Variants in MCM9 observed in about 807,000 individuals in gnomAD.
MCM9 encodes minichromosome maintenance 9 homologous recombination repair factor, also known as DNA helicase MCM9.
A neutral mutation model predicts 72.8 loss-of-function variants in MCM9; 55 were observed. The observed-to-expected ratio is 0.76, with a 90% CI of 0.61 to 0.95. MCM9 has a LOEUF of 0.95. Ranked by LOEUF, MCM9 falls within the 40% of genes least tolerant of loss-of-function variation. The pLI, the probability that MCM9 is intolerant of heterozygous loss-of-function variation, is 0.00. For synonymous variants in MCM9, 480 were observed against 503.4 expected (o/e 0.95, Z 0.62); for missense variants, 1,279 against 1,377.0 (o/e 0.93, Z 1.13).
At chr6:118,856,620 T>C in intron 8 of MCM9, 75 bp from the exon 9 acceptor site, 6 of 1,453,912 alleles carry the variant, frequency 4.1e-6, no homozygotes, top group Non-Finnish European at 5.5e-6. Flanking sequence ...GGCTCACACC[T>C]GTAATTCCAG....
At chr6:118,820,232 C>A (rs1045821896) in intron 13 of MCM9, among the ~76,000 whole-genome samples, 1 of 152,110 alleles carries the variant, frequency 6.6e-6, no homozygotes. Flanking sequence ...AATTTTAGTT[C>A]TTTCCCTCTT....
intron 13 of MCM9, among the ~76,000 whole-genome samples, chr6:118,818,837 C>T (rs1464044848): frequency 6.6e-6 from 1 of 152,126 alleles, no homozygotes; most frequent in Non-Finnish European, 1.5e-5. Context: ...TTGAAGAGGT[C>T]TTTCACATCC....
At chr6:118,841,675 C>CA (rs1469789898) in intron 9 of MCM9, among the ~76,000 whole-genome samples, 1 of 152,126 alleles carries the variant, frequency 6.6e-6, no homozygotes, top group Non-Finnish European at 1.5e-5. Context: ...TCACAGTATA[C>CA]AATAAACGTT....
Position 118,827,957 on chromosome 6 carries a change from G to T in MCM9, c.1702C>A (p.Leu568Met). ...GCTAATCGTATCAAGCTTTCCAACA[G>T]CCGAATGGTGGTCCGGGCAGCGTTC... is the stretch of plus-strand genomic sequence containing the variant. ...CRNAARTTIRLLESLIRLAEA... is the reference protein window; with the variant it reads ...CRNAARTTIRMLESLIRLAEA... Residue 568 changes from leucine (L) to methionine (M), a missense_variant, in exon 11 of 14, where the codon CTG becomes ATG. Leu to Met is a conservative substitution (Grantham distance 15). Transcript: ENST00000619706. 1 of 1,551,012 alleles carries T rather than the reference G, an allele frequency of 6.4e-7. No individual in the cohort carries two copies. Among genetic ancestry groups the T allele is most frequent in the Non-Finnish European group, 8.7e-7 (1 of 1,147,084 alleles).
chr6:118,824,766 C>A (rs1489116769), intron 13 of MCM9, among the ~76,000 whole-genome samples: 1 of 152,148 alleles, frequency 6.6e-6, no homozygotes, highest in African/African-American at 2.4e-5. Flanking sequence ...AACTCATATG[C>A]TGGTTGGGTT....
At position 118,873,228 on chromosome 6, in the gene MCM9, GGGGAAA is replaced by G. The variant is rs1777729074; in HGVS notation, c.1151-16689_1151-16684del. Among the ~76,000 whole-genome samples, 11 of 80,862 alleles carry G rather than the reference GGGGAAA, an allele frequency of 1.4e-4. No individual in the cohort carries two copies. The South Asian group carries it at 6.3e-3, about 47-fold the overall frequency. The allele number at this position is 80,862 out of a possible 152,430, so 53.0% of individuals were successfully genotyped here. A position where few individuals can be genotyped will look rare whatever the true frequency, so the allele number is the denominator to read the frequency against. ...GGAGGGGAGGGAAAGGGAAAGGGAA[GGGGAAA>G]GGGAAAGGGAAGGGGAAAGGGAAGG... On this transcript the variant is annotated intron_variant, in intron 8 of 13. Transcript: ENST00000619706.
rs1781646462 is a variant in MCM9 at position 118,923,910 on chromosome 6, G to A, written c.522C>T (p.Ser174=). Residue 174 remains serine, a synonymous_variant, in exon 4 of 14, where the codon AGC becomes AGT. Coordinates refer to ENST00000619706, the MANE Select transcript of MCM9 (RefSeq NM_017696.3). The stretch of plus-strand genomic sequence containing the variant: ...ATTTAGAGGAATCACAGCTCTCCAA[G>A]CTGGGACACGAGGATGGCCGGCAAA... ...YTFCRPSSCP[S]LESCDSSKFT... is the part of the protein sequence containing the mutation. 6.2e-7 allele frequency: 1 copy of A among 1,614,102 alleles called. No individual in the cohort carries two copies. Among genetic ancestry groups the A allele is most frequent in the Admixed American group, 1.7e-5 (1 of 60,010 alleles).
intron 9 of MCM9, among the ~76,000 whole-genome samples, chr6:118,855,243 A>T (rs1461541746): frequency 6.6e-6 from 1 of 152,202 alleles, no homozygotes; most frequent in Non-Finnish European, 1.5e-5. Context: ...GATTTCCTCA[A>T]TCAAAGAGTT....
At chr6:118,893,055 G>A (rs1779051186) in intron 8 of MCM9, among the ~76,000 whole-genome samples, 1 of 151,948 alleles carries the variant, frequency 6.6e-6, no homozygotes, top group African/African-American at 2.4e-5. Context: ...AACATTTAAG[G>A]AAAAAAATGA....
chr6:118,835,030 G>T (rs144680161), intron 9 of MCM9, among the ~76,000 whole-genome samples: 3,159 of 152,192 alleles, frequency 0.021, 114 homozygotes, highest in African/African-American at 0.073. Flanking sequence ...TTTGTATAAG[G>T]TGTAAGGAAG....
chr6:118,886,820 G>A (rs954349535), intron 8 of MCM9, among the ~76,000 whole-genome samples: 1 of 151,992 alleles, frequency 6.6e-6, no homozygotes, highest in African/African-American at 2.4e-5. Context: ...AGCCGGATGT[G>A]GTGGCACACA....
intron 8 of MCM9, among the ~76,000 whole-genome samples, chr6:118,864,342 T>C (rs1263056548): frequency 6.6e-6 from 1 of 152,084 alleles, no homozygotes; most frequent in East Asian, 1.9e-4. Flanking sequence ...TAAAGACACG[T>C]ACAGATTAAA....
chr6:118,835,895 G>T (rs1172003763), intron 9 of MCM9, among the ~76,000 whole-genome samples: 1 of 152,186 alleles, frequency 6.6e-6, no homozygotes, highest in East Asian at 1.9e-4. Flanking sequence ...TTGACTAGGA[G>T]TGGTGAGAGA....
intron 8 of MCM9, among the ~76,000 whole-genome samples, chr6:118,862,247 C>T (rs1418980211): frequency 6.6e-6 from 1 of 152,194 alleles, no homozygotes; most frequent in Non-Finnish European, 1.5e-5. Context: ...TGTAGCTTCA[C>T]CTGGGTGTGT....
At chr6:118,923,544 G>T (rs1352554342) in intron 4 of MCM9, among the ~76,000 whole-genome samples, 4 of 152,092 alleles carry the variant, frequency 2.6e-5, no homozygotes, top group Non-Finnish European at 5.9e-5. Context: ...AACAGCTAGG[G>T]TGGACTTCTT....
At chr6:118,820,352 T>C (rs992189253) in intron 13 of MCM9, among the ~76,000 whole-genome samples, 25 of 152,328 alleles carry the variant, frequency 1.6e-4, no homozygotes, top group Admixed American at 1.2e-3. Context: ...AAAGAACTTA[T>C]TTATTTCTGC....
intron 8 of MCM9, among the ~76,000 whole-genome samples, chr6:118,885,683 A>G (rs184628702): frequency 9.8e-5 from 15 of 152,328 alleles, no homozygotes; most frequent in Non-Finnish European, 2.1e-4. Flanking sequence ...AGTTTTTAAA[A>G]CCACCCATAA....
At chr6:118,832,603 T>C (rs1041775990) in intron 9 of MCM9, among the ~76,000 whole-genome samples, 13 of 152,216 alleles carry the variant, frequency 8.5e-5, no homozygotes, top group African/African-American at 2.9e-4. Flanking sequence ...AGTAAAGACA[T>C]TCCAATTTCT....
In MCM9 at chr6:118,829,150, C is replaced by T. The variant is rs1011555118; in HGVS notation, c.1426G>A (p.Gly476Ser). 5.8e-6 allele frequency: 9 copies of T among 1,550,330 alleles called. No individual in the cohort carries two copies. In the East Asian group the frequency reaches 1.2e-4, roughly 21 times the overall value. Residue 476 changes from glycine to serine, a missense_variant, in exon 10 of 14, where the codon GGC becomes AGC. Transcript: ENST00000619706. ...QESVSVNIAL[G>S]SPLLSRFDLI... ...TCAAATCGACTTAAGAGTGGGCTGC[C>T]GAGGGCAATGTTCACAGACACGGAC...
Sources: allele counts gnomAD v4.1 joint callset (sites outside exome capture counted in the v4.1 genomes callset), GRCh38; gene constraint gnomAD v4.1.1; transcripts MANE v1.5; gene names NCBI Gene and HGNC (gene_info 2026-07-23, HGNC 2026-07-21).